PMFBP1: variants seen among roughly 807,000 people sequenced by gnomAD.
PMFBP1 encodes the protein polyamine-modulated factor 1-binding protein 1.
Under a neutral mutation model 137.8 loss-of-function variants are expected in PMFBP1, and 131 were observed. The observed-to-expected ratio is 0.95, with a 90% confidence interval of 0.82 to 1.10. The LOEUF is 1.10. PMFBP1 is among the 50% of genes least tolerant of loss of function. The probability of loss-of-function intolerance (pLI) is 0.00; values close to 1 mark genes in which losing one functional copy is unlikely to be tolerated. For missense variants in PMFBP1, 1,199 were observed against 1,175.4 expected, an observed-to-expected ratio of 1.02 and a Z score of -0.29; for synonymous variants, 490 against 450.4, an observed-to-expected ratio of 1.09 and a Z score of -1.11.
At chr16:72,197,169 T>C in the PMFBP1 span, among the ~76,000 whole-genome samples, 2,130 of 152,262 alleles carry the variant, frequency 0.014, 19 homozygotes, top group Non-Finnish European at 0.024. Flanking sequence ...GAGATTTTAA[T>C]AGCTAGGGAA....
Position 72,140,582 on chromosome 16 carries a change from C to T in PMFBP1, c.637G>A (p.Glu213Lys), listed in dbSNP as rs983763485. Residue 213 changes from glutamate (E) to lysine (K), a missense_variant and splice_region_variant, in exon 6 of 21, where the codon GAG becomes AAG. Coordinates refer to ENST00000237353, the MANE Select transcript of PMFBP1 (RefSeq NM_031293.3). ...QGELGGIMGQ[E>K]PENKGDHSKV... is the part of the protein sequence containing the mutation. Reference sequence around the variant, plus strand: ...GAATGATCACCCTTGTTCTCAGGCTCCTGAGAGATTTAAAAATAATGGGTT... The same window carrying T: ...GAATGATCACCCTTGTTCTCAGGCTTCTGAGAGATTTAAAAATAATGGGTT... 6.2e-7 allele frequency: 1 copy of T among 1,609,246 alleles called. No homozygotes were observed. Among genetic ancestry groups the T allele is most frequent in the Admixed American group, 1.7e-5 (1 of 59,416 alleles).
rs1188452304 is a variant in PMFBP1 at position 72,125,310 on chromosome 16, A to G, written c.2349T>C (p.Tyr783=). 4 of 1,614,056 alleles carry G rather than the reference A, an allele frequency of 2.5e-6. No individual in the cohort carries two copies. The highest frequency in any genetic ancestry group is 3.4e-6 in the Non-Finnish European group (4 of 1,180,012). The change falls in exon 16 of 21, where the codon TAT becomes TAC. Residue 783 remains tyrosine, a synonymous_variant. Transcript: ENST00000237353. The part of the protein sequence containing the change: ...KAQLEEEIIA[Y]EERMKKLNTE... ...TATTGAGCTTTTTCATCCTTTCCTC[A>G]TAAGCAATGATTTCCTCTTCCAGCT...
the PMFBP1 span, among the ~76,000 whole-genome samples, chr16:72,237,266 T>TG: frequency 7.2e-5 from 11 of 152,160 alleles, no homozygotes; most frequent in Admixed American, 3.9e-4. Flanking sequence ...TTCTGCTCTC[T>TG]GGGGAAAGCT....
intron 4 of PMFBP1, among the ~76,000 whole-genome samples, chr16:72,153,749 C>T (rs2042938065): frequency 6.7e-6 from 1 of 148,260 alleles, no homozygotes. Context: ...TCCCACTCAA[C>T]ATCTGGTTAT....
the PMFBP1 span, among the ~76,000 whole-genome samples, chr16:72,195,282 G>A: frequency 1.3e-5 from 2 of 152,162 alleles, no homozygotes; most frequent in African/African-American, 4.8e-5. Context: ...GAGCCGCACT[G>A]CAGTCTGAGG....
intron 18 of PMFBP1, 123 bp from the exon 19 acceptor site, chr16:72,123,111 G>A (rs1038606718): frequency 6.2e-6 from 5 of 808,546 alleles, no homozygotes; most frequent in East Asian, 2.6e-5. Flanking sequence ...CGTCCCCCAC[G>A]CATCACCCCG....
chr16:72,248,122 T>C, the PMFBP1 span, among the ~76,000 whole-genome samples: 2 of 152,156 alleles, frequency 1.3e-5, no homozygotes, highest in Admixed American at 6.5e-5. Flanking sequence ...ATAGCAACAA[T>C]ATTATTTTCC....
intron 9 of PMFBP1, among the ~76,000 whole-genome samples, chr16:72,133,724 G>A (rs141387130): frequency 6.6e-6 from 1 of 152,218 alleles, no homozygotes; most frequent in Non-Finnish European, 1.5e-5. Context: ...GTTGTTAATT[G>A]TCACTTTAAG....
chr16:72,185,536 C>T, the PMFBP1 span, among the ~76,000 whole-genome samples: 1 of 152,124 alleles, frequency 6.6e-6, no homozygotes, highest in South Asian at 2.1e-4. Flanking sequence ...AAAGCCTTCT[C>T]TGAATCCCCA....
intron 3 of PMFBP1, among the ~76,000 whole-genome samples, chr16:72,160,977 G>A (rs1226792623): frequency 1.3e-5 from 2 of 151,940 alleles, no homozygotes; most frequent in Non-Finnish European, 2.9e-5. Flanking sequence ...GCACAGATGA[G>A]GACTAACTCA....
chr16:72,209,172 G>A, the PMFBP1 span, among the ~76,000 whole-genome samples: 3 of 152,118 alleles, frequency 2.0e-5, no homozygotes, highest in Non-Finnish European at 4.4e-5. Context: ...CGTACAAATA[G>A]CCCTCAAATA....
intron 1 of PMFBP1, chr16:72,171,733 C>G (rs2043223171): frequency 1.3e-5 from 2 of 152,710 alleles, no homozygotes; most frequent in African/African-American, 4.8e-5. Flanking sequence ...AGTGACTTAC[C>G]CAGGGTCACA....
intron 9 of PMFBP1, among the ~76,000 whole-genome samples, chr16:72,135,406 G>A (rs915045773): frequency 6.7e-6 from 1 of 150,000 alleles, no homozygotes; most frequent in Non-Finnish European, 1.5e-5. Context: ...AAGTAGAGAC[G>A]GGGTTTCACC....
At chr16:72,228,014 G>T in the PMFBP1 span, among the ~76,000 whole-genome samples, 2 of 152,122 alleles carry the variant, frequency 1.3e-5, no homozygotes, top group Non-Finnish European at 2.9e-5. Flanking sequence ...CCTGAAATAT[G>T]TATCTGTTAT....
In PMFBP1 at chr16:72,140,538, AGT is replaced by A. The variant is rs1325029973; in HGVS notation, c.679_680del (p.Thr227PhefsTer17). The A allele has an allele frequency of 1.5e-5, 25 of 1,613,750 alleles. No homozygotes were observed. The highest frequency in any genetic ancestry group is 2.1e-5 in the Non-Finnish European group (25 of 1,179,634). ...GATGCTCTTGAATCATGCAAGGAGA[AGT>A]GTATATCCGTACCTTTGAATGATCA... is the stretch of plus-strand genomic sequence containing the variant. ...KGDHSKVRIY[T>X]SPCMIQEHQE... On this transcript the variant is annotated frameshift_variant, in exon 6 of 21. Coordinates refer to ENST00000237353, the MANE Select transcript of PMFBP1 (RefSeq NM_031293.3). LOFTEE classifies it high-confidence loss of function.
chr16:72,145,681 A>T lies in PMFBP1; in HGVS notation c.636+4927T>A, dbSNP rs558597021. The stretch of plus-strand genomic sequence containing the variant: ...GAGAAGAATCAAATAGATGCAATAA[A>T]AAATGATAAGGGGGACATCACCACT... On this transcript the variant is annotated intron_variant, in intron 5 of 20. Coordinates refer to ENST00000237353, the MANE Select transcript of PMFBP1 (RefSeq NM_031293.3). Among the ~76,000 whole-genome samples, 3 of 152,352 alleles carry T rather than the reference A, an allele frequency of 2.0e-5. No individual in the cohort carries two copies. The South Asian group carries it at 6.2e-4, about 32-fold the overall frequency.
chr16:72,177,967 C>T (rs1339542066), upstream of PMFBP1, among the ~76,000 whole-genome samples: 1 of 152,106 alleles, frequency 6.6e-6, no homozygotes, highest in Non-Finnish European at 1.5e-5. Context: ...ACATGGCACA[C>T]TGCAGCCTCG....
At chr16:72,136,025 G>T (rs960453853) in intron 9 of PMFBP1, among the ~76,000 whole-genome samples, 1 of 152,018 alleles carries the variant, frequency 6.6e-6, no homozygotes. Flanking sequence ...AAAGTGCTGG[G>T]ATTACAGGCT....
At chr16:72,244,965 C>T in the PMFBP1 span, among the ~76,000 whole-genome samples, 9 of 152,132 alleles carry the variant, frequency 5.9e-5, no homozygotes, top group South Asian at 2.1e-4. Context: ...GTTTTGGGCA[C>T]GCAAGAGAGC....
Sources: allele counts gnomAD v4.1 joint callset (sites outside exome capture counted in the v4.1 genomes callset), GRCh38; gene constraint gnomAD v4.1.1; transcripts MANE v1.5; gene names NCBI Gene and HGNC (gene_info 2026-07-23, HGNC 2026-07-21).